The following DOCK11 variants were observed in gnomAD, a reference collection of about 807,000 sequenced individuals.
The protein encoded by DOCK11 is dedicator of cytokinesis protein 11.
Under a neutral mutation model 169.1 loss-of-function variants are expected in DOCK11, and 70 were observed. The observed-to-expected ratio is 0.41, with a 90% CI of 0.34 to 0.51. The LOEUF (loss-of-function observed/expected upper bound fraction) is 0.51. Ranked by LOEUF, DOCK11 falls within the 20% of genes least tolerant of loss-of-function variation. The pLI is 0.10. For synonymous variants in DOCK11, 529 were observed against 541.3 expected (o/e 0.98, Z 0.32); for missense variants, 1,166 against 1,538.8 (o/e 0.76, Z 4.05).
intron 1 of DOCK11, among the ~76,000 whole-genome samples, chrX:118,538,111 A>G (rs1249957054): frequency 2.7e-5 from 3 of 112,367 alleles, no homozygotes; most frequent in Non-Finnish European, 5.6e-5. Flanking sequence ...AATGTTTTCA[A>G]TGAAGAAGAT....
intron 6 of DOCK11, among the ~76,000 whole-genome samples, chrX:118,551,822 C>T (rs2012504293): frequency 9.0e-6 from 1 of 111,331 alleles, no homozygotes; most frequent in African/African-American, 3.3e-5. Flanking sequence ...AAGGAATCTG[C>T]CCAGGCGTTC....
Position 118,590,270 on chromosome X carries a change from C to A in DOCK11, c.2107C>A (p.His703Asn). The change falls in exon 19 of 53, where the codon CAT (histidine) becomes AAT (asparagine). Residue 703 changes from histidine to asparagine, a missense_variant. Physicochemically the swap from His to Asn is moderately conservative, Grantham distance 68 (BLOSUM62 1). Transcript: ENST00000276202. ...FTTNAYAVVS[H>N]HNQNPEFYDE... ...CACAAATGCTTATGCTGTTGTCTCG[C>A]ATCACAACCAAAATCCAGAGTTCTA... 1 of 1,210,038 alleles carries A rather than the reference C, an allele frequency of 8.3e-7. No homozygotes were observed. The highest frequency in any genetic ancestry group is 1.1e-6 in the Non-Finnish European group (1 of 893,997).
At chrX:118,641,625 T>C (rs1273493153) in intron 39 of DOCK11, among the ~76,000 whole-genome samples, 1 of 111,781 alleles carries the variant, frequency 8.9e-6, no homozygotes, top group Non-Finnish European at 1.9e-5. Flanking sequence ...TGATTGGATC[T>C]GTTTGCCCAA....
Position 118,538,760 on chromosome X carries a change from C to T in DOCK11, c.103-3965C>T, listed in dbSNP as rs898231714. 6 of 509,904 alleles carry T rather than the reference C, an allele frequency of 1.2e-5. No homozygotes were observed. In the African/African-American group the frequency reaches 1.6e-4, roughly 13 times the overall value. 42.0% of individuals were successfully genotyped at this position (509,904 alleles called of 1,213,427 possible). ...AAGCACCTTTGCAGGCCAATCAGTG[C>T]ACACTGGCAGAAAGGATAAATTACA... On this transcript the variant is annotated intron_variant, in intron 1 of 52. Transcript: ENST00000276202.
At chrX:118,524,495 G>C (rs1452363978) in intron 1 of DOCK11, among the ~76,000 whole-genome samples, 4 of 111,790 alleles carry the variant, frequency 3.6e-5, no homozygotes, top group African/African-American at 1.3e-4. Context: ...TATCTGATAA[G>C]AGATTAATGT....
intron 6 of DOCK11, among the ~76,000 whole-genome samples, chrX:118,552,131 A>G (rs1398649396): frequency 1.8e-5 from 2 of 111,716 alleles, no homozygotes; most frequent in Middle Eastern, 4.7e-3. Flanking sequence ...AACGAAGGAA[A>G]GAGTATTAGA....
At chrX:118,585,776 A>T (rs1252668740) in intron 16 of DOCK11, among the ~76,000 whole-genome samples, 1 of 110,713 alleles carries the variant, frequency 9.0e-6, no homozygotes, top group East Asian at 2.8e-4. Flanking sequence ...CAACTAAGAG[A>T]TGAAAAAGGA....
chrX:118,537,533 C>T (rs2011801468), intron 1 of DOCK11, among the ~76,000 whole-genome samples: 1 of 112,364 alleles, frequency 8.9e-6, no homozygotes, highest in Non-Finnish European at 1.9e-5. Context: ...GTGTCTTACA[C>T]ATTTCTAATG....
intron 40 of DOCK11, among the ~76,000 whole-genome samples, chrX:118,647,400 C>T (rs2015705569): frequency 1.0e-5 from 1 of 95,306 alleles, no homozygotes; most frequent in Non-Finnish European, 2.1e-5. Context: ...TATTGAGAAC[C>T]TGCTTACTGT....
chrX:118,681,219 C>A lies in DOCK11; in HGVS notation c.5833C>A (p.Leu1945Ile). The A allele has an allele frequency of 8.3e-7, 1 of 1,199,204 alleles. No individual in the cohort carries two copies. The change falls in exon 50 of 53, where the codon CTT becomes ATT. Residue 1945 changes from leucine to isoleucine, a missense_variant. By Grantham distance (5) the Leu-to-Ile change is conservative. Coordinates refer to ENST00000276202, the MANE Select transcript of DOCK11 (RefSeq NM_144658.4). ...STDVDMIQLQ[L>I]KLQGCVSVQV... is the part of the protein sequence containing the mutation. Reference sequence around the variant, plus strand: ...TGACGTGGACATGATTCAGCTCCAACTTAAATTGCAGGGCTGTGTTTCTGT... The same window carrying A: ...TGACGTGGACATGATTCAGCTCCAAATTAAATTGCAGGGCTGTGTTTCTGT...
At chrX:118,544,336 C>T (rs2012157106) in intron 4 of DOCK11, among the ~76,000 whole-genome samples, 1 of 111,584 alleles carries the variant, frequency 9.0e-6, no homozygotes, top group Non-Finnish European at 1.9e-5. Context: ...TTATTTCTAC[C>T]ACTTACTAGC....
chrX:118,560,262 A>G (rs773804595), intron 6 of DOCK11, among the ~76,000 whole-genome samples: 1 of 111,686 alleles, frequency 9.0e-6, no homozygotes, highest in Non-Finnish European at 1.9e-5. Flanking sequence ...TTGATGTTTC[A>G]GGTACTTTGC....
intron 1 of DOCK11, among the ~76,000 whole-genome samples, 193 bp from the exon 2 acceptor site, chrX:118,542,532 G>A (rs2012061578): frequency 9.1e-6 from 1 of 110,351 alleles, no homozygotes; most frequent in East Asian, 2.8e-4. Context: ...GTGTGTGTGT[G>A]TGTGTGTGTG....
chrX:118,622,938 G>A (rs2015010830), intron 31 of DOCK11, among the ~76,000 whole-genome samples: 1 of 112,356 alleles, frequency 8.9e-6, no homozygotes, highest in Non-Finnish European at 1.9e-5. Context: ...TTAAAAGGCC[G>A]GGAGCGGTGG....
chrX:118,637,343 T>C (rs939380585), intron 36 of DOCK11, among the ~76,000 whole-genome samples: 1 of 111,752 alleles, frequency 8.9e-6, no homozygotes, highest in African/African-American at 3.3e-5. Flanking sequence ...TTAACTATGG[T>C]ACTCTCCCTA....
chrX:118,647,137 ATATGTGTGTGTGTGTGTGTGTGTGTG>A (rs1253193999), intron 40 of DOCK11, among the ~76,000 whole-genome samples: 4 of 68,811 alleles, frequency 5.8e-5, no homozygotes, highest in African/African-American at 2.3e-4. Context: ...TGTGAAGAGG[ATATGTGTGTGTGTGTGTGTGTGTGTG>A]TGTGTGTGTG....
chrX:118,565,432 A>G (rs894816148), intron 7 of DOCK11, among the ~76,000 whole-genome samples: 1 of 112,057 alleles, frequency 8.9e-6, no homozygotes, highest in East Asian at 2.8e-4. Context: ...GAAATATACA[A>G]TAAATTATTG....
chrX:118,518,966 A>T (rs760188897), intron 1 of DOCK11, among the ~76,000 whole-genome samples: 2 of 111,718 alleles, frequency 1.8e-5, no homozygotes, highest in Non-Finnish European at 3.8e-5. Context: ...AAAAAGTAAG[A>T]TCTATGAAAT....
At chrX:118,671,459 C>T (rs2016470730) in intron 46 of DOCK11, among the ~76,000 whole-genome samples, 1 of 106,164 alleles carries the variant, frequency 9.4e-6, no homozygotes, top group East Asian at 2.9e-4. Context: ...ACAATGTTGG[C>T]ATGTATGGAA....
Sources: gnomAD v4.1 joint callset for allele counts (sites outside exome capture counted in the v4.1 genomes callset) on GRCh38, gnomAD v4.1.1 for gene constraint, MANE v1.5 for transcripts, NCBI Gene and HGNC (gene_info 2026-07-23, HGNC 2026-07-21) for gene names.